Variants in RERE observed in about 807,000 individuals in gnomAD.
RERE encodes the protein arginine-glutamic acid dipeptide repeats protein.
A neutral mutation model predicts 146.1 loss-of-function variants in RERE; 40 were observed. The ratio of observed to expected loss-of-function variants is 0.27; its 90% CI spans 0.21 to 0.36. The LOEUF (loss-of-function observed/expected upper bound fraction) is 0.36. Ranked by LOEUF, RERE falls within the 10% of genes least tolerant of loss-of-function variation. The probability of loss-of-function intolerance (pLI) is 1.00; values close to 1 mark genes in which losing one functional copy is unlikely to be tolerated. For missense variants in RERE, 1,933 were observed against 2,138.7 expected, an observed-to-expected ratio of 0.90 and a Z score of 1.90; for synonymous variants, 1,003 against 866.0, an observed-to-expected ratio of 1.16 and a Z score of -2.78.
intron 10 of RERE, among the ~76,000 whole-genome samples, chr1:8,485,342 C>A (rs1244253536): frequency 1.3e-5 from 2 of 151,984 alleles, no homozygotes; most frequent in African/African-American, 4.8e-5. Context: ...GCCTGGGGAA[C>A]AACAGCGAAA....
intron 1 of RERE, chr1:8,799,207 T>C (rs529928349): frequency 6.6e-6 from 1 of 152,358 alleles, no homozygotes; most frequent in East Asian, 1.9e-4. Context: ...TTGGCCAGAC[T>C]GGTCTCAAAC....
At position 8,365,881 on chromosome 1, in the gene RERE, T is replaced by G. The variant is rs199677530; in HGVS notation, c.1378A>C (p.Arg460=). Residue 460 remains arginine, a synonymous_variant, in exon 13 of 23, where the codon AGG becomes CGG. Transcript: ENST00000400908. ...HRRHRRQAVF[R]RIKTRTASTP... ...GACGCGGTGCGAGTCTTAATCCTCC[T>G]GAACACGGCCTGCCTGCGGTGCCTA... 5.1e-5 allele frequency: 83 copies of G among 1,614,082 alleles called. No individual in the cohort carries two copies. The highest frequency in any genetic ancestry group is 6.5e-5 in the Non-Finnish European group (77 of 1,180,060).
At chr1:8,621,458 C>T (rs1169435945) in intron 3 of RERE, among the ~76,000 whole-genome samples, 1 of 152,196 alleles carries the variant, frequency 6.6e-6, no homozygotes, top group Non-Finnish European at 1.5e-5. Flanking sequence ...TTATCTTTAA[C>T]ATCGTAATCG....
At chr1:8,667,284 G>A (rs942734429) in intron 1 of RERE, among the ~76,000 whole-genome samples, 13 of 152,146 alleles carry the variant, frequency 8.5e-5, no homozygotes, top group Admixed American at 5.2e-4. Context: ...AGTAAGAAAC[G>A]ATATATAATC....
chr1:8,391,310 C>T (rs1182566447), intron 12 of RERE, among the ~76,000 whole-genome samples: 1 of 152,110 alleles, frequency 6.6e-6, no homozygotes, highest in African/African-American at 2.4e-5. Context: ...GTCAATGAAC[C>T]GATGTATGTA....
intron 1 of RERE, among the ~76,000 whole-genome samples, chr1:8,680,174 A>G (rs1398558583): frequency 6.6e-6 from 1 of 152,194 alleles, no homozygotes; most frequent in African/African-American, 2.4e-5. Flanking sequence ...GGAGAAAGCC[A>G]GAAAAACCTG....
intron 2 of RERE, among the ~76,000 whole-genome samples, chr1:8,638,513 G>A (rs1227442872): frequency 2.6e-5 from 4 of 152,124 alleles, no homozygotes; most frequent in African/African-American, 4.8e-5. Context: ...AGCATGAATG[G>A]CATACAAAGC....
At chr1:8,397,428 G>A (rs1480476490) in intron 12 of RERE, among the ~76,000 whole-genome samples, 1 of 146,346 alleles carries the variant, frequency 6.8e-6, no homozygotes, top group Admixed American at 6.6e-5. Context: ...GCATCTAAGA[G>A]ACTTACCCCA....
In RERE at chr1:8,509,929, C is replaced by T. The variant is rs980865956; in HGVS notation, c.831-1254G>A. Among the ~76,000 whole-genome samples the T allele has an allele frequency of 6.6e-5, 10 of 152,214 alleles. 1 individual carries two copies. The highest frequency in any genetic ancestry group is 1.9e-4 in the African/African-American group (8 of 41,454). ...TTAAAAATACATTTTGGAAAGCTAT[C>T]GTTTCCTTTAGGGCACCTGGGCCCA... On this transcript the variant is annotated intron_variant, in intron 7 of 22. Transcript: ENST00000400908.
intron 12 of RERE, among the ~76,000 whole-genome samples, chr1:8,394,035 C>G (rs1642970893): frequency 1.3e-5 from 2 of 152,130 alleles, no homozygotes; most frequent in Non-Finnish European, 2.9e-5. Context: ...CAAGAAAAAT[C>G]CCTGATTTCT....
intron 1 of RERE, chr1:8,807,020 C>A (rs923422163): frequency 1.3e-5 from 2 of 152,184 alleles, no homozygotes; most frequent in Non-Finnish European, 2.9e-5. Context: ...AGATATCTTT[C>A]CCTAACTGTA....
intron 4 of RERE, among the ~76,000 whole-genome samples, chr1:8,611,099 G>A (rs1487565709): frequency 3.3e-5 from 5 of 152,122 alleles, no homozygotes; most frequent in Non-Finnish European, 7.4e-5. Context: ...GGAAGCTGAG[G>A]CAGGAGAATT....
At chr1:8,523,343 C>T (rs967493451) in intron 7 of RERE, among the ~76,000 whole-genome samples, 4 of 152,214 alleles carry the variant, frequency 2.6e-5, no homozygotes, top group African/African-American at 4.8e-5. Flanking sequence ...GATTCTATTA[C>T]AATGATAAGA....
intron 2 of RERE, among the ~76,000 whole-genome samples, chr1:8,634,555 AT>A (rs1647073058): frequency 6.6e-6 from 1 of 152,162 alleles, no homozygotes; most frequent in South Asian, 2.1e-4. Flanking sequence ...TTCAAATTTA[AT>A]TGTTTGCTTT....
At chr1:8,466,525 C>T (rs995694748) in intron 10 of RERE, among the ~76,000 whole-genome samples, 19 of 152,136 alleles carry the variant, frequency 1.2e-4, no homozygotes, top group Non-Finnish European at 2.2e-4. Flanking sequence ...CAGGAGGACC[C>T]CTACTCTTGC....
chr1:8,466,001 G>A lies in RERE; in HGVS notation c.1127C>T (p.Ala376Val). The change falls in exon 11 of 23, where the codon GCT (alanine) becomes GTT (valine). Residue 376 changes from alanine (A) to valine (V), a missense_variant. Ala to Val is a moderately conservative substitution (Grantham distance 64). Coordinates refer to ENST00000400908, the MANE Select transcript of RERE (RefSeq NM_001042681.2). ...CACCAGGCGCTGCAGGGCTTTGCCA[G>A]CATCGTAACCGCTTTCATGCAGCTA... Reference protein sequence around the residue: ...LNTLHESGYDAGKALQRLVKK... With the variant: ...LNTLHESGYDVGKALQRLVKK... The A allele has an allele frequency of 1.2e-6, 2 of 1,611,538 alleles. No individual in the cohort carries two copies. The highest frequency in any genetic ancestry group is 1.7e-6 in the Non-Finnish European group (2 of 1,177,952).
At chr1:8,762,563 A>G (rs1253158790) in intron 1 of RERE, among the ~76,000 whole-genome samples, 4 of 152,188 alleles carry the variant, frequency 2.6e-5, no homozygotes, top group Non-Finnish European at 5.9e-5. Context: ...TTGAAGACAA[A>G]AAAAGTAGCA....
intron 1 of RERE, among the ~76,000 whole-genome samples, chr1:8,698,467 C>T (rs965176440): frequency 1.3e-5 from 2 of 152,092 alleles, no homozygotes; most frequent in Non-Finnish European, 2.9e-5. Flanking sequence ...TTGACTTAAG[C>T]GATTTTTCAA....
At chr1:8,683,235 A>C (rs894096375) in intron 1 of RERE, among the ~76,000 whole-genome samples, 2 of 152,084 alleles carry the variant, frequency 1.3e-5, no homozygotes, top group African/African-American at 4.8e-5. Context: ...TCCTCCTAGG[A>C]ATCCTACAAG....
Sources: allele counts gnomAD v4.1 joint callset (sites outside exome capture counted in the v4.1 genomes callset), GRCh38; gene constraint gnomAD v4.1.1; transcripts MANE v1.5; gene names NCBI Gene and HGNC (gene_info 2026-07-23, HGNC 2026-07-21).